TMEM39A: variants seen among roughly 807,000 people sequenced by gnomAD.
TMEM39A encodes suppressor of SQST-1 aggregates in rpl-43 mutants.
Under a neutral mutation model 51.9 loss-of-function variants are expected in TMEM39A, and 19 were observed. That is an observed-to-expected ratio of 0.37 (90% confidence interval 0.26 to 0.54). TMEM39A has a LOEUF of 0.54. TMEM39A is among the 20% of genes least tolerant of loss of function. The pLI is 0.88. For missense variants in TMEM39A, 433 were observed against 590.5 expected, an observed-to-expected ratio of 0.73 and a Z score of 2.76; for synonymous variants, 197 against 220.2, an observed-to-expected ratio of 0.89 and a Z score of 0.93.
intron 6 of TMEM39A, 55 bp downstream of exon 6, chr3:119,437,700 T>G: frequency 7.3e-7 from 1 of 1,364,934 alleles, no homozygotes; most frequent in Non-Finnish European, 1.0e-6. Flanking sequence ...AATACCCAGT[T>G]TATGTAATTC....
intron 3 of TMEM39A, among the ~76,000 whole-genome samples, chr3:119,455,325 T>C (rs928132759): frequency 3.3e-5 from 5 of 152,186 alleles, no homozygotes; most frequent in Admixed American, 2.6e-4. Context: ...TGGGCTAAAC[T>C]CTTATTTGCT....
At chr3:119,438,188 G>T in intron 5 of TMEM39A, 85 bp from the exon 6 acceptor site, 1 of 1,085,440 alleles carries the variant, frequency 9.2e-7, no homozygotes, top group Non-Finnish European at 1.3e-6. Flanking sequence ...TTATAACTTA[G>T]GTCAATAAAA....
chr3:119,448,894 A>T (rs1038141308), intron 4 of TMEM39A, among the ~76,000 whole-genome samples: 2 of 152,204 alleles, frequency 1.3e-5, no homozygotes, highest in Admixed American at 6.5e-5. Flanking sequence ...CAGACCCTTT[A>T]CCAGGTCCTA....
chr3:119,453,033 T>C (rs2081220294), intron 3 of TMEM39A, among the ~76,000 whole-genome samples: 1 of 152,210 alleles, frequency 6.6e-6, no homozygotes, highest in African/African-American at 2.4e-5. Flanking sequence ...GATTTAGAAG[T>C]ATGCCTTATG....
At chr3:119,447,194 A>G in intron 4 of TMEM39A, 22 bp from the exon 5 acceptor site, 2 of 1,604,320 alleles carry the variant, frequency 1.2e-6, no homozygotes, top group Non-Finnish European at 1.7e-6. Context: ...GAAGCACCAA[A>G]ATGAACATTT....
intron 7 of TMEM39A, chr3:119,435,583 A>G: frequency 3.0e-6 from 3 of 983,768 alleles, no homozygotes; most frequent in Non-Finnish European, 3.6e-6. Context: ...TTTTTAAAAA[A>G]AAAAAAAAAA....
At chr3:119,447,294 A>G in intron 4 of TMEM39A, 122 bp from the exon 5 acceptor site, 1 of 1,042,210 alleles carries the variant, frequency 9.6e-7, no homozygotes, top group Non-Finnish European at 1.3e-6. Context: ...AAAGTGAAAT[A>G]AAAGAAAAAC....
chr3:119,458,642 C>T (rs1033189472), intron 2 of TMEM39A, among the ~76,000 whole-genome samples: 1 of 152,078 alleles, frequency 6.6e-6, no homozygotes, highest in Non-Finnish European at 1.5e-5. Flanking sequence ...CACCTGTAAT[C>T]CCAGCACTTT....
chr3:119,441,358 G>GTGC (rs1379994763), intron 5 of TMEM39A, among the ~76,000 whole-genome samples: 1 of 152,052 alleles, frequency 6.6e-6, no homozygotes, highest in African/African-American at 2.4e-5. Flanking sequence ...GAAATTAAAA[G>GTGC]TGCTACTCCA....
Position 119,450,661 on chromosome 3 carries a change from A to G in TMEM39A, c.420+1786T>C, listed in dbSNP as rs368734443. 5.3e-5 allele frequency among the ~76,000 whole-genome samples: 8 copies of G among 151,988 alleles called. No homozygotes were observed. The East Asian group carries it at 5.8e-4, about 11-fold the overall frequency. On this transcript the variant is annotated intron_variant, in intron 4 of 8. Coordinates refer to ENST00000319172, the MANE Select transcript of TMEM39A (RefSeq NM_018266.3). Reference sequence around the variant, plus strand: ...ACATAGTGAAACCCTGTCTCTACTAAAAACACAAAAATTAGCTGGGTATGG... The same window carrying G: ...ACATAGTGAAACCCTGTCTCTACTAGAAACACAAAAATTAGCTGGGTATGG...
chr3:119,446,762 A>G (rs953934800), intron 5 of TMEM39A: 1 of 368,794 alleles, frequency 2.7e-6, no homozygotes, highest in African/African-American at 2.1e-5. Flanking sequence ...GAAGAGAGAC[A>G]ATTAAAATAT....
chr3:119,438,686 C>A (rs2081009186), intron 5 of TMEM39A, among the ~76,000 whole-genome samples: 1 of 152,138 alleles, frequency 6.6e-6, no homozygotes, highest in African/African-American at 2.4e-5. Flanking sequence ...CTATAAATAA[C>A]AATGTGATAA....
In TMEM39A at chr3:119,441,876, C is replaced by G. The variant is rs1295924830; in HGVS notation, c.576-3773G>C. 1.3e-5 allele frequency among the ~76,000 whole-genome samples: 2 copies of G among 152,196 alleles called. 1 individual carries two copies. Among genetic ancestry groups the G allele is most frequent in the Non-Finnish European group, 2.9e-5 (2 of 68,042 alleles). Reference sequence around the variant, plus strand: ...TGGTAACTTTAAGTGGAAGCCAATGCTTATTTACCATTCCAAAAATCCTAC... The same window carrying G: ...TGGTAACTTTAAGTGGAAGCCAATGGTTATTTACCATTCCAAAAATCCTAC... On this transcript the variant is annotated intron_variant, in intron 5 of 8. Transcript: ENST00000319172.
chr3:119,458,387 C>T, intron 2 of TMEM39A, 147 bp from the exon 3 acceptor site: 1 of 648,930 alleles, frequency 1.5e-6, no homozygotes, highest in South Asian at 1.9e-5. Flanking sequence ...TCTCCCTCCA[C>T]ACTTTCTGTC....
intron 2 of TMEM39A, among the ~76,000 whole-genome samples, chr3:119,459,113 G>A (rs1050218964): frequency 1.3e-5 from 2 of 152,128 alleles, no homozygotes; most frequent in Non-Finnish European, 2.9e-5. Context: ...AAAGAATGCA[G>A]GTGTTCAACA....
chr3:119,437,035 A>T (rs1203971217), intron 6 of TMEM39A, 57 bp from the exon 7 acceptor site: 2 of 1,536,984 alleles, frequency 1.3e-6, no homozygotes, highest in Non-Finnish European at 8.9e-7. Flanking sequence ...AGAGGCAGGG[A>T]TGGGTTGGTG....
intron 5 of TMEM39A, among the ~76,000 whole-genome samples, chr3:119,443,743 C>T (rs1474320605): frequency 1.3e-5 from 2 of 151,626 alleles, no homozygotes; most frequent in Non-Finnish European, 2.9e-5. Flanking sequence ...AAACGAGACC[C>T]GATCTCTACA....
intron 5 of TMEM39A, among the ~76,000 whole-genome samples, chr3:119,444,618 A>T (rs994536670): frequency 1.3e-5 from 2 of 152,210 alleles, no homozygotes; most frequent in African/African-American, 4.8e-5. Context: ...TCACGCTAAC[A>T]CTTCAGCACC....
intron 5 of TMEM39A, among the ~76,000 whole-genome samples, chr3:119,446,010 C>T (rs930855874): frequency 6.6e-6 from 1 of 152,178 alleles, no homozygotes; most frequent in Non-Finnish European, 1.5e-5. Context: ...ACCCTACATA[C>T]ACTATGTTTT....
Sources: allele counts gnomAD v4.1 joint callset (sites outside exome capture counted in the v4.1 genomes callset), GRCh38; gene constraint gnomAD v4.1.1; transcripts MANE v1.5; gene names NCBI Gene and HGNC (gene_info 2026-07-23, HGNC 2026-07-21).